REV3L: variants seen among roughly 807,000 people sequenced by gnomAD.
REV3L encodes the protein REV3 like, DNA directed polymerase zeta catalytic subunit, also known as DNA polymerase zeta catalytic subunit.
REV3L carries 69 observed loss-of-function variants against 299.4 expected under a neutral mutation model. The observed-to-expected ratio is 0.23, with a 90% CI of 0.19 to 0.28. REV3L has a LOEUF of 0.28. Ranked by LOEUF, REV3L falls within the 10% of genes least tolerant of loss-of-function variation. The pLI is 1.00. For missense variants in REV3L, 3,128 were observed against 3,693.8 expected, an observed-to-expected ratio of 0.85 and a Z score of 3.97; for synonymous variants, 1,238 against 1,271.4, an observed-to-expected ratio of 0.97 and a Z score of 0.56.
chr6:111,326,613 CA>C (rs397768163), intron 25 of REV3L, among the ~76,000 whole-genome samples: 518 of 145,936 alleles, frequency 3.5e-3, no homozygotes, highest in Non-Finnish European at 4.4e-3. Context: ...ATACCCCCCC[CA>C]AAAAAAAAAA....
chr6:111,323,133 C>T (rs542375465), intron 25 of REV3L, among the ~76,000 whole-genome samples: 11 of 152,128 alleles, frequency 7.2e-5, no homozygotes, highest in African/African-American at 1.4e-4. Flanking sequence ...GGACTATAGG[C>T]GCACGCCACC....
At chr6:111,408,078 AAATGG>A (rs1181429186) in intron 3 of REV3L, among the ~76,000 whole-genome samples, 2 of 152,220 alleles carry the variant, frequency 1.3e-5, no homozygotes, top group African/African-American at 4.8e-5. Context: ...ATTAATATTA[AAATGG>A]AATTGGAAAG....
At chr6:111,422,664 ATATATATATATATACG>A (rs1562287936) in intron 1 of REV3L, among the ~76,000 whole-genome samples, 1,427 of 39,850 alleles carry the variant, frequency 0.036, 284 homozygotes, top group Admixed American at 0.13. Flanking sequence ...ATATATATAC[ATATATATATATATACG>A]TATATATATA....
At chr6:111,464,526 G>A (rs559575085) in intron 1 of REV3L, among the ~76,000 whole-genome samples, 22 of 152,238 alleles carry the variant, frequency 1.4e-4, no homozygotes, top group African/African-American at 4.8e-4. Flanking sequence ...AAAAGTATAT[G>A]CTGTGTGTTC....
intron 5 of REV3L, among the ~76,000 whole-genome samples, chr6:111,391,236 T>C (rs931542622): frequency 6.6e-6 from 1 of 152,104 alleles, no homozygotes; most frequent in Non-Finnish European, 1.5e-5. Context: ...GAGTTAATTT[T>C]TGTATTTTTA....
chr6:111,432,649 C>T (rs1175480722), intron 1 of REV3L, among the ~76,000 whole-genome samples: 1 of 152,252 alleles, frequency 6.6e-6, no homozygotes, highest in South Asian at 2.1e-4. Context: ...AACATCCAGA[C>T]AGAAAATCAA....
chr6:111,479,062 T>C lies in REV3L; in HGVS notation c.139+3688A>G, dbSNP rs371728805. On this transcript the variant is annotated intron_variant, in intron 1 of 31. Coordinates refer to ENST00000368802, the MANE Select transcript of REV3L (RefSeq NM_001372078.1). ...CATGAAGTGAGTTACATCAAGCAAC[T>C]AAGCAAAAGTCGAGATGTGGAAAAT... Among the ~76,000 whole-genome samples the C allele has an allele frequency of 4.6e-5, 7 of 152,320 alleles. No individual in the cohort carries two copies. In the South Asian group the frequency reaches 6.2e-4, roughly 14 times the overall value.
rs755179790 is a variant in REV3L at position 111,374,415 on chromosome 6, A to G, written c.3940T>C (p.Ser1314Pro). 1 of 1,614,002 alleles carries G rather than the reference A, an allele frequency of 6.2e-7. No homozygotes were observed. The highest frequency in any genetic ancestry group is 2.2e-5 in the East Asian group (1 of 44,866). The change falls in exon 13 of 32, where the codon TCA (serine) becomes CCA (proline). Residue 1314 changes from serine (S) to proline (P), a missense_variant. This residue lies in a region of REV3L where 2,409 missense variants were observed against 2,611.8 expected (regional missense o/e 0.92). Transcript: ENST00000368802. ...ACTGATGGATGCAAATCATCTCGTG[A>G]ACTGGGGAATGTCTGCAAATCTACA... ...KSVDLQTFPSSRDDLHPSVVC... is the reference protein window; with the variant it reads ...KSVDLQTFPSPRDDLHPSVVC...
chr6:111,300,773 C>T (rs1360342122), intron 31 of REV3L, among the ~76,000 whole-genome samples: 1 of 152,126 alleles, frequency 6.6e-6, no homozygotes, highest in African/African-American at 2.4e-5. Flanking sequence ...CTTTTAATTC[C>T]GTCATCTCCG....
chr6:111,434,166 A>G lies in REV3L; in HGVS notation c.140-17694T>C, dbSNP rs78621751. ...TGCCCACTTTCACCACTTTTATTCAATGTAATACTGGAAGTCCTGTCCAGA... is the reference window on the plus strand; with the variant it reads ...TGCCCACTTTCACCACTTTTATTCAGTGTAATACTGGAAGTCCTGTCCAGA... On this transcript the variant is annotated intron_variant, in intron 1 of 31. Coordinates refer to ENST00000368802, the MANE Select transcript of REV3L (RefSeq NM_001372078.1). Among the ~76,000 whole-genome samples, 248 of 152,274 alleles carry G rather than the reference A, an allele frequency of 1.6e-3. 4 individuals carry two copies. Among genetic ancestry groups the G allele is most frequent in the African/African-American group, 5.3e-3 (222 of 41,546 alleles).
chr6:111,410,894 A>C (rs889141825), intron 3 of REV3L, among the ~76,000 whole-genome samples: 3 of 152,152 alleles, frequency 2.0e-5, no homozygotes, highest in Non-Finnish European at 4.4e-5. Context: ...CACTATACAT[A>C]GTGAAAATCC....
At chr6:111,349,398 G>C in intron 19 of REV3L, 62 bp from the exon 20 acceptor site, 1 of 752,398 alleles carries the variant, frequency 1.3e-6, no homozygotes, top group Non-Finnish European at 2.2e-6. Flanking sequence ...ATAAAATTAT[G>C]CCAGGGAAAA....
At chr6:111,446,351 T>TA (rs1788830136) in intron 1 of REV3L, among the ~76,000 whole-genome samples, 1 of 152,160 alleles carries the variant, frequency 6.6e-6, no homozygotes, top group Non-Finnish European at 1.5e-5. Flanking sequence ...ATAATAATGC[T>TA]AGTGTAAATT....
chr6:111,476,856 T>C (rs1472364640), intron 1 of REV3L, among the ~76,000 whole-genome samples: 1 of 152,210 alleles, frequency 6.6e-6, no homozygotes, highest in Non-Finnish European at 1.5e-5. Flanking sequence ...TTGGAGACCA[T>C]TACGAATCTC....
At chr6:111,363,769 TAAA>T in intron 16 of REV3L, 81 bp downstream of exon 16, 1 of 1,399,926 alleles carries the variant, frequency 7.1e-7, no homozygotes, top group Non-Finnish European at 9.7e-7. Flanking sequence ...CCTCCCTTGT[TAAA>T]AAAATTCCAT....
chr6:111,307,259 T>G, intron 31 of REV3L, 102 bp downstream of exon 31: 1 of 991,840 alleles, frequency 1.0e-6, no homozygotes, highest in Admixed American at 1.9e-5. Flanking sequence ...TCATTTCACT[T>G]TTCACACCAG....
chr6:111,456,278 A>G (rs1790148513), intron 1 of REV3L, among the ~76,000 whole-genome samples: 1 of 152,180 alleles, frequency 6.6e-6, no homozygotes, highest in Non-Finnish European at 1.5e-5. Context: ...GGAGTGCCAG[A>G]AAGAGTTAAC....
At chr6:111,311,348 G>T in intron 28 of REV3L, 89 bp from the exon 29 acceptor site, 2 of 921,100 alleles carry the variant, frequency 2.2e-6, no homozygotes, top group East Asian at 5.1e-5. Flanking sequence ...TGTAACTACT[G>T]GGTAACCTGC....
intron 30 of REV3L, among the ~76,000 whole-genome samples, chr6:111,308,531 A>G (rs1249989473): frequency 6.6e-6 from 1 of 152,230 alleles, no homozygotes; most frequent in Non-Finnish European, 1.5e-5. Context: ...CAGAAGGCAT[A>G]TCATTTTCGC....
Sources: gnomAD v4.1 joint callset for allele counts (sites outside exome capture counted in the v4.1 genomes callset) on GRCh38, gnomAD v4.1.1 for gene constraint, gnomAD v4.1.1 regional missense constraint, MANE v1.5 for transcripts, NCBI Gene and HGNC (gene_info 2026-07-23, HGNC 2026-07-21) for gene names.